COL19A1: variants seen among roughly 807,000 people sequenced by gnomAD.
COL19A1 encodes collagen type XIX alpha 1 chain.
In COL19A1, 159 loss-of-function variants were observed where a neutral mutation model predicts 190.2. The ratio of observed to expected loss-of-function variants is 0.84; its 90% CI spans 0.73 to 0.95. COL19A1 has a LOEUF of 0.95. Among genes scored for constraint, COL19A1 ranks in the 40% least tolerant of loss-of-function variants. The probability of loss-of-function intolerance (pLI) is 0.00; values close to 1 mark genes in which losing one functional copy is unlikely to be tolerated. For synonymous variants in COL19A1, 509 were observed against 458.9 expected (o/e 1.11, Z -1.39); for missense variants, 1,418 against 1,431.9 (o/e 0.99, Z 0.16).
chr6:69,924,502 T>C (rs546028563), intron 4 of COL19A1, among the ~76,000 whole-genome samples: 28 of 152,328 alleles, frequency 1.8e-4, no homozygotes, highest in African/African-American at 5.8e-4. Flanking sequence ...CAGTCTATCA[T>C]TGATGGACAC....
Position 70,084,816 on chromosome 6 carries a change from G to T in COL19A1, c.1224+16340G>T, listed in dbSNP as rs1308268106. On this transcript the variant is annotated intron_variant, in intron 15 of 50. Transcript: ENST00000620364. ...AGTTTATGCCTCTGATGTATATCTG[G>T]TTCCTTGAAATTTTTATTAATAAAA... Among the ~76,000 whole-genome samples, 3 of 152,086 alleles carry T rather than the reference G, an allele frequency of 2.0e-5. No homozygotes were observed. In the South Asian group the frequency reaches 6.2e-4, roughly 32 times the overall value.
intron 11 of COL19A1, among the ~76,000 whole-genome samples, chr6:69,973,082 T>A: frequency 6.6e-6 from 1 of 152,210 alleles, no homozygotes; most frequent in East Asian, 1.9e-4. Flanking sequence ...TGATCCTCAT[T>A]TATGTAATGA....
At position 69,975,939 on chromosome 6, in the gene COL19A1, T is replaced by G. The variant is rs185181979; in HGVS notation, c.1026+13069T>G. Reference sequence around the variant, plus strand: ...ATCCTAAGAAACTTTATTAAATGTCTTACTGAATTAAATAAACCAAACTCA... The same window carrying G: ...ATCCTAAGAAACTTTATTAAATGTCGTACTGAATTAAATAAACCAAACTCA... On this transcript the variant is annotated intron_variant, in intron 11 of 50. Transcript: ENST00000620364. Among the ~76,000 whole-genome samples the G allele has an allele frequency of 2.5e-3, 381 of 151,420 alleles. 1 individual carries two copies. Among genetic ancestry groups the G allele is most frequent in the African/African-American group, 8.0e-3 (324 of 40,686 alleles).
intron 48 of COL19A1, among the ~76,000 whole-genome samples, chr6:70,198,459 G>A (rs958229875): frequency 9.2e-5 from 14 of 152,258 alleles, no homozygotes; most frequent in Middle Eastern, 3.4e-3. Flanking sequence ...AAAACAATGC[G>A]ATTAACTTCT....
At chr6:70,193,256 T>C (rs1042301365) in intron 48 of COL19A1, among the ~76,000 whole-genome samples, 4 of 152,154 alleles carry the variant, frequency 2.6e-5, no homozygotes, top group Non-Finnish European at 4.4e-5. Flanking sequence ...TCCTGCCCAC[T>C]CCCAGGCCAT....
Position 70,161,886 on chromosome 6 carries a change from A to T in COL19A1, c.2293-14A>T, listed in dbSNP as rs1462409274. The T allele has an allele frequency of 1.2e-6, 2 of 1,601,952 alleles. No individual in the cohort carries two copies. Among genetic ancestry groups the T allele is most frequent in the Non-Finnish European group, 1.7e-6 (2 of 1,174,702 alleles). ...TGATATAACAGATTTTATGATGGGA[A>T]CTATCTTTTCCAGGGTCTTCAAGGA... On this transcript the variant is annotated splice_polypyrimidine_tract_variant and intron_variant, in intron 34 of 50. Coordinates refer to ENST00000620364, the MANE Select transcript of COL19A1 (RefSeq NM_001858.6).
chr6:69,966,038 C>T (rs1775071298), intron 11 of COL19A1, among the ~76,000 whole-genome samples: 1 of 152,138 alleles, frequency 6.6e-6, no homozygotes, highest in Admixed American at 6.5e-5. Flanking sequence ...AACAGTTATC[C>T]CCATACTATC....
chr6:70,123,725 A>G (rs1408452764), intron 17 of COL19A1, among the ~76,000 whole-genome samples: 2 of 148,348 alleles, frequency 1.3e-5, no homozygotes, highest in Non-Finnish European at 3.0e-5. Flanking sequence ...ACCAAACACC[A>G]CATATTCTCA....
chr6:70,009,067 G>A (rs1777821408), intron 11 of COL19A1, among the ~76,000 whole-genome samples: 1 of 152,082 alleles, frequency 6.6e-6, no homozygotes, highest in South Asian at 2.1e-4. Context: ...ACTTAATGGT[G>A]AAAGACTGAA....
At chr6:70,103,770 A>G (rs1229836605) in intron 16 of COL19A1, among the ~76,000 whole-genome samples, 1 of 152,160 alleles carries the variant, frequency 6.6e-6, no homozygotes, top group Admixed American at 6.6e-5. Flanking sequence ...CCTCGGACAG[A>G]CACGGCATGT....
chr6:69,956,847 C>T (rs1158531225), intron 9 of COL19A1, among the ~76,000 whole-genome samples: 1 of 151,914 alleles, frequency 6.6e-6, no homozygotes, highest in African/African-American at 2.4e-5. Context: ...AGGTTATACT[C>T]CTAGAAAAAT....
chr6:69,933,531 T>C (rs1582448567), intron 7 of COL19A1, among the ~76,000 whole-genome samples: 1 of 152,104 alleles, frequency 6.6e-6, no homozygotes, highest in African/African-American at 2.4e-5. Flanking sequence ...CATGTCTTTC[T>C]CTTAAGTGAC....
chr6:70,010,497 G>A (rs1582678287), intron 11 of COL19A1, among the ~76,000 whole-genome samples: 1 of 142,948 alleles, frequency 7.0e-6, no homozygotes, highest in Admixed American at 6.9e-5. Context: ...AGGCCAGTGT[G>A]TGTGCGCACC....
At position 69,922,691 on chromosome 6, in the gene COL19A1, G is replaced by C. The variant is rs866844997; in HGVS notation, c.267-5218G>C. Among the ~76,000 whole-genome samples, 28 of 152,084 alleles carry C rather than the reference G, an allele frequency of 1.8e-4. 1 individual carries two copies. Among genetic ancestry groups the C allele is most frequent in the African/African-American group, 6.5e-4 (27 of 41,494 alleles). ...AAATGGGGTTTCACTATGTTGGCCAGGCAGGTCTCAAACTCCTGACCTCAA... is the reference window on the plus strand; with the variant it reads ...AAATGGGGTTTCACTATGTTGGCCACGCAGGTCTCAAACTCCTGACCTCAA... On this transcript the variant is annotated intron_variant, in intron 4 of 50. Transcript: ENST00000620364.
rs534862893 is a variant in COL19A1, at chr6:70,004,831, G to A, written c.1027-18796G>A. On this transcript the variant is annotated intron_variant, in intron 11 of 50. Coordinates refer to ENST00000620364, the MANE Select transcript of COL19A1 (RefSeq NM_001858.6). ...CTAAAACATGCTCCTTTAGCTCAGC[G>A]TACTTTTTTTTTTTTTTTGACGGAG... Among the ~76,000 whole-genome samples, 41 of 146,474 alleles carry A rather than the reference G, an allele frequency of 2.8e-4. No individual in the cohort carries two copies. In the South Asian group the frequency reaches 2.9e-3, roughly 11 times the overall value.
At chr6:69,941,835 C>A (rs1002390848) in intron 9 of COL19A1, among the ~76,000 whole-genome samples, 2 of 152,100 alleles carry the variant, frequency 1.3e-5, no homozygotes, top group Admixed American at 6.6e-5. Context: ...ATTACAGGCA[C>A]CCGCCATCAT....
rs564885753 is a variant in COL19A1 at position 70,087,982 on chromosome 6, G to A, written c.1225-14187G>A. On this transcript the variant is annotated intron_variant, in intron 15 of 50. Coordinates refer to ENST00000620364, the MANE Select transcript of COL19A1 (RefSeq NM_001858.6). ...TATATTTTTCTTAGATATTTGCCAA[G>A]AATGTAATTGATCACTGGCTCTACA... 2.4e-4 allele frequency among the ~76,000 whole-genome samples: 36 copies of A among 152,256 alleles called. 1 individual carries two copies. In the South Asian group the frequency reaches 7.5e-3, roughly 32 times the overall value.
At chr6:70,149,970 A>C in intron 29 of COL19A1, 22 bp from the exon 30 acceptor site, 1 of 1,613,794 alleles carries the variant, frequency 6.2e-7, no homozygotes, top group African/African-American at 1.3e-5. Context: ...CAAAGATTGA[A>C]CATGGATACC....
chr6:69,968,837 G>C (rs61214395), intron 11 of COL19A1, among the ~76,000 whole-genome samples: 2,533 of 152,182 alleles, frequency 0.017, 73 homozygotes, highest in African/African-American at 0.055. Context: ...AGGACATTCT[G>C]GGGCAGCATC....
Sources: gnomAD v4.1 joint callset for allele counts (sites outside exome capture counted in the v4.1 genomes callset) on GRCh38, gnomAD v4.1.1 for gene constraint, MANE v1.5 for transcripts, NCBI Gene and HGNC (gene_info 2026-07-23, HGNC 2026-07-21) for gene names.